The following TSHZ2 variants were observed in gnomAD, a reference collection of about 807,000 sequenced individuals.
TSHZ2 encodes the protein teashirt zinc finger homeobox 2.
In TSHZ2, 21 loss-of-function variants were observed where a neutral mutation model predicts 74.4. The ratio of observed to expected loss-of-function variants is 0.28; its 90% confidence interval spans 0.20 to 0.41. The LOEUF (loss-of-function observed/expected upper bound fraction) is 0.41, where lower values mean the gene tolerates loss of function less well. Among genes scored for constraint, TSHZ2 ranks in the 10% least tolerant of loss-of-function variants. The pLI is 1.00. For missense variants in TSHZ2, 1,244 were observed against 1,293.5 expected (o/e 0.96, Z 0.59); for synonymous variants, 540 against 515.3 (o/e 1.05, Z -0.65).
chr20:53,435,558 G>A (rs1461788515), intron 2 of TSHZ2, among the ~76,000 whole-genome samples: 1 of 152,214 alleles, frequency 6.6e-6, no homozygotes, highest in East Asian at 1.9e-4. Context: ...CTGTCGCCCA[G>A]GCTGGAGTGC....
chr20:53,240,819 T>C (rs959299525), intron 1 of TSHZ2, among the ~76,000 whole-genome samples: 2 of 152,052 alleles, frequency 1.3e-5, no homozygotes, highest in Non-Finnish European at 2.9e-5. Flanking sequence ...GTCTGAGAAC[T>C]GGCTGAAAAC....
At chr20:53,242,356 T>A (rs1342475187) in intron 1 of TSHZ2, among the ~76,000 whole-genome samples, 1 of 152,156 alleles carries the variant, frequency 6.6e-6, no homozygotes, top group Non-Finnish European at 1.5e-5. Context: ...CCCAGCTGAC[T>A]CCTGGAGTCC....
At chr20:53,425,587 G>GCT (rs1983627208) in intron 2 of TSHZ2, among the ~76,000 whole-genome samples, 1 of 152,206 alleles carries the variant, frequency 6.6e-6, no homozygotes, top group Non-Finnish European at 1.5e-5. Context: ...ATAAAACAGA[G>GCT]GTAGGCAAAC....
intron 2 of TSHZ2, among the ~76,000 whole-genome samples, chr20:53,354,978 G>A (rs1050517566): frequency 2.0e-5 from 3 of 152,022 alleles, no homozygotes; most frequent in African/African-American, 7.3e-5. Flanking sequence ...TGGGCAAGGG[G>A]GTTGGAAGTA....
At chr20:53,423,310 G>A (rs1187109483) in intron 2 of TSHZ2, among the ~76,000 whole-genome samples, 1 of 152,158 alleles carries the variant, frequency 6.6e-6, no homozygotes, top group Non-Finnish European at 1.5e-5. Flanking sequence ...CTTGAGCCCA[G>A]GAAGCAGAGG....
At chr20:53,465,964 G>GT (rs1484282454) in intron 2 of TSHZ2, among the ~76,000 whole-genome samples, 6 of 104,664 alleles carry the variant, frequency 5.7e-5, no homozygotes, top group African/African-American at 2.1e-4. Context: ...AATCACAGTG[G>GT]TTAAAAAAAA....
At chr20:53,282,447 TTCTA>T (rs2145438755) in intron 2 of TSHZ2, among the ~76,000 whole-genome samples, 1 of 152,324 alleles carries the variant, frequency 6.6e-6, no homozygotes, top group African/African-American at 2.4e-5. Context: ...TCAAGAGCTT[TTCTA>T]TCTTTTTTCT....
intron 1 of TSHZ2, among the ~76,000 whole-genome samples, chr20:53,247,384 C>T (rs1990232731): frequency 6.6e-6 from 1 of 152,162 alleles, no homozygotes; most frequent in African/African-American, 2.4e-5. Flanking sequence ...CTTCCTCTCT[C>T]CTGAAACAAA....
intron 2 of TSHZ2, among the ~76,000 whole-genome samples, chr20:53,344,543 T>C (rs1269843566): frequency 6.6e-6 from 1 of 152,032 alleles, no homozygotes; most frequent in African/African-American, 2.4e-5. Flanking sequence ...TGATCATTGG[T>C]TTTTATATGA....
At chr20:53,417,327 C>T (rs1051511435) in intron 2 of TSHZ2, among the ~76,000 whole-genome samples, 3 of 151,908 alleles carry the variant, frequency 2.0e-5, no homozygotes, top group Admixed American at 6.6e-5. Flanking sequence ...GAAGGGGTCT[C>T]GCTCTGTCAC....
chr20:53,330,069 T>C (rs1180270876), intron 2 of TSHZ2, among the ~76,000 whole-genome samples: 1 of 152,240 alleles, frequency 6.6e-6, no homozygotes, highest in Non-Finnish European at 1.5e-5. Flanking sequence ...AGAGACCATA[T>C]GGTATGCAAA....
chr20:53,468,520 C>T (rs753543599), intron 2 of TSHZ2, among the ~76,000 whole-genome samples: 2 of 151,902 alleles, frequency 1.3e-5, no homozygotes, highest in Non-Finnish European at 1.5e-5. Flanking sequence ...CTGCTGGTTG[C>T]GTTCAACAGC....
chr20:53,466,270 AAAAG>A (rs1468070091), intron 2 of TSHZ2, among the ~76,000 whole-genome samples: 32 of 152,072 alleles, frequency 2.1e-4, no homozygotes, highest in East Asian at 5.8e-4. Flanking sequence ...TAAAAAAAAA[AAAAG>A]AAAGAGAAAA....
intron 2 of TSHZ2, among the ~76,000 whole-genome samples, chr20:53,292,101 A>G (rs1453920420): frequency 1.3e-5 from 2 of 152,222 alleles, no homozygotes; most frequent in South Asian, 4.1e-4. Flanking sequence ...CTGGCCTATG[A>G]TGGGGAAGGT....
At position 53,467,334 on chromosome 20, in the gene TSHZ2, A is replaced by G. The variant is rs1600663561; in HGVS notation, c.*9-19810A>G. Among the ~76,000 whole-genome samples the G allele has an allele frequency of 3.9e-5, 6 of 152,348 alleles. 2 individuals carry two copies. The highest frequency in any genetic ancestry group is 3.9e-4 in the Admixed American group (6 of 15,300). On this transcript the variant is annotated intron_variant, in intron 2 of 2. Transcript: ENST00000371497. ...TTCATTTTTTAAATTTCCAGAAGGA[A>G]AGAGTGGTCTATTTTCCAAGACCTA... is the stretch of plus-strand genomic sequence containing the variant.
intron 1 of TSHZ2, among the ~76,000 whole-genome samples, chr20:53,230,068 G>A (rs904614537): frequency 6.9e-6 from 1 of 145,066 alleles, no homozygotes; most frequent in African/African-American, 2.5e-5. Context: ...AGGGGAGGGG[G>A]AGGAGGAGAG....
chr20:52,994,276 T>A (rs534015179), intron 1 of TSHZ2, among the ~76,000 whole-genome samples: 2 of 152,048 alleles, frequency 1.3e-5, no homozygotes, highest in South Asian at 4.1e-4. Context: ...TCTCAGGAAA[T>A]GTTAGTTGAA....
chr20:53,126,542 G>T lies in TSHZ2; in HGVS notation c.41-126957G>T, dbSNP rs77398647. ...AGGTGAATTATTTTTCAGATGACTA[G>T]AGGAGGTTTATGCAATATAGTATTA... On this transcript the variant is annotated intron_variant, in intron 1 of 2. Transcript: ENST00000371497. 5.3e-3 allele frequency among the ~76,000 whole-genome samples: 808 copies of T among 152,290 alleles called. 10 individuals carry two copies. Among genetic ancestry groups the T allele is most frequent in the African/African-American group, 0.018 (756 of 41,568 alleles).
chr20:53,331,563 A>G (rs1191345207), intron 2 of TSHZ2, among the ~76,000 whole-genome samples: 8 of 152,120 alleles, frequency 5.3e-5, no homozygotes, highest in Non-Finnish European at 1.5e-5. Context: ...GAGGAGCACA[A>G]AAGAGCCAGG....
Sources: allele counts gnomAD v4.1 joint callset (sites outside exome capture counted in the v4.1 genomes callset), GRCh38; gene constraint gnomAD v4.1.1; transcripts MANE v1.5; gene names NCBI Gene and HGNC (gene_info 2026-07-23, HGNC 2026-07-21).